The following EWSR1 variants were observed in gnomAD, a reference collection of about 807,000 sequenced individuals.
EWSR1 encodes the protein RNA-binding protein EWS.
Under a neutral mutation model 92.1 loss-of-function variants are expected in EWSR1, and 14 were observed. The observed-to-expected ratio is 0.15, with a 90% CI of 0.10 to 0.24. EWSR1 has a LOEUF of 0.24. Among genes scored for constraint, EWSR1 ranks in the 10% least tolerant of loss-of-function variants. The probability of loss-of-function intolerance (pLI) is 1.00; values close to 1 mark genes in which losing one functional copy is unlikely to be tolerated. For synonymous variants in EWSR1, 303 were observed against 292.9 expected (o/e 1.03, Z -0.35); for missense variants, 637 against 870.9 (o/e 0.73, Z 3.38).
chr22:29,296,474 G>A (rs1018978443), intron 12 of EWSR1, 106 bp downstream of exon 12: 2 of 1,399,962 alleles, frequency 1.4e-6, no homozygotes, highest in Non-Finnish European at 2.0e-6. Context: ...CTCTTCCTGG[G>A]GGAGGTAGAT....
intron 14 of EWSR1, 46 bp downstream of exon 14, chr22:29,298,941 C>A (rs1214582255): frequency 6.7e-7 from 1 of 1,495,544 alleles, no homozygotes; most frequent in Non-Finnish European, 8.9e-7. Context: ...GTGAAGCCAC[C>A]CTTCCCTCAC....
chr22:29,290,153 C>T (rs1018343032), intron 8 of EWSR1: 9 of 345,034 alleles, frequency 2.6e-5, no homozygotes, highest in Non-Finnish European at 4.8e-5. Flanking sequence ...CTCTTGCAGC[C>T]ATAGAAGAGA....
chr22:29,290,448 T>A (rs2060362672), intron 8 of EWSR1: 1 of 1,613,604 alleles, frequency 6.2e-7, no homozygotes, highest in East Asian at 2.2e-5. Context: ...ACTTCAATAC[T>A]TAAAAAGTAC....
chr22:29,299,940 C>G, intron 16 of EWSR1, 89 bp downstream of exon 16: 1 of 1,543,894 alleles, frequency 6.5e-7, no homozygotes, highest in South Asian at 1.2e-5. Context: ...CCTCATGTCT[C>G]TAGGAAGCTT....
rs535034908 is a variant in EWSR1 at position 29,284,339 on chromosome 22, C to G, written c.581+1782C>G. 5.9e-4 allele frequency among the ~76,000 whole-genome samples: 89 copies of G among 151,478 alleles called. 7 individuals carry two copies. Among genetic ancestry groups the G allele is most frequent in the African/African-American group, 2.1e-3 (85 of 40,764 alleles). Reference sequence around the variant, plus strand: ...GTTTTCAAATTGTTTGAATTGTGCCCTGAAAGTTTTGCTAGAAGTAGCGGT... The same window carrying G: ...GTTTTCAAATTGTTTGAATTGTGCCGTGAAAGTTTTGCTAGAAGTAGCGGT... On this transcript the variant is annotated intron_variant, in intron 6 of 16. Transcript: ENST00000397938.
intron 5 of EWSR1, among the ~76,000 whole-genome samples, chr22:29,281,227 C>T (rs1324088216): frequency 1.3e-5 from 2 of 152,072 alleles, no homozygotes; most frequent in African/African-American, 4.8e-5. Flanking sequence ...GTTGGCCAGG[C>T]TGGTGTCCAA....
intron 11 of EWSR1, among the ~76,000 whole-genome samples, chr22:29,294,978 GGT>G (rs1342739429): frequency 1.1e-4 from 17 of 151,856 alleles, no homozygotes; most frequent in Non-Finnish European, 1.6e-4. Flanking sequence ...CCTGCTTGTA[GGT>G]GTGTGTGTGC....
intron 9 of EWSR1, 26 bp from the exon 10 acceptor site, chr22:29,292,111 T>C: frequency 1.2e-6 from 2 of 1,610,972 alleles, no homozygotes; most frequent in Non-Finnish European, 1.7e-6. Context: ...CTAATAATAT[T>C]TTATATGATC....
At chr22:29,288,192 A>G (rs756705318) in intron 7 of EWSR1, among the ~76,000 whole-genome samples, 3 of 152,164 alleles carry the variant, frequency 2.0e-5, no homozygotes, top group Non-Finnish European at 4.4e-5. Flanking sequence ...TTTCTCAACA[A>G]CTCAAAGGAG....
In EWSR1 at chr22:29,299,046, G is replaced by A. The variant is rs187190004; in HGVS notation, c.1580+151G>A. On this transcript the variant is annotated intron_variant, in intron 14 of 16. Coordinates refer to ENST00000397938, the MANE Select transcript of EWSR1 (RefSeq NM_005243.4). ...GACACTAGTCAGCCATTCACTGGAC[G>A]CTTCAGAGCCTTCTGAAGATTGATT... is the stretch of plus-strand genomic sequence containing the variant. 382 of 1,326,130 alleles carry A rather than the reference G, an allele frequency of 2.9e-4. 4 individuals are homozygous for A. In the African/African-American group the frequency reaches 4.4e-3, roughly 15 times the overall value. The allele number at this position is 1,326,130 out of a possible 1,614,324, so 82.1% of individuals were successfully genotyped here. A position where few individuals can be genotyped will look rare whatever the true frequency, so the allele number is the denominator to read the frequency against.
In EWSR1 at chr22:29,288,731, T is replaced by G; in HGVS notation, c.919T>G (p.Phe307Val). 6.2e-7 allele frequency: 1 copy of G among 1,613,532 alleles called. No individual in the cohort carries two copies. Among genetic ancestry groups the G allele is most frequent in the Non-Finnish European group, 8.5e-7 (1 of 1,179,724 alleles). ...PDNRGRGRGG[F>V]DRGGMSRGGR... ...TAACCGGGGCAGGGGAAGAGGGGGA[T>G]TTGATCGTGGAGGCATGAGCAGAGG... Residue 307 changes from phenylalanine (F) to valine (V), a missense_variant, in exon 8 of 17, where the codon TTT becomes GTT. By Grantham distance (50) the Phe-to-Val change is conservative. This residue lies in a region of EWSR1 where 116 missense variants were observed against 167.8 expected (regional missense o/e 0.69). Coordinates refer to ENST00000397938, the MANE Select transcript of EWSR1 (RefSeq NM_005243.4).
intron 15 of EWSR1, 94 bp downstream of exon 15, chr22:29,299,425 T>G: frequency 2.0e-6 from 3 of 1,524,314 alleles, no homozygotes; most frequent in Non-Finnish European, 2.6e-6. Context: ...GCCCTCTGCT[T>G]AACAACTTTG....
At chr22:29,296,111 G>T in intron 11 of EWSR1, 128 bp from the exon 12 acceptor site, 1 of 930,546 alleles carries the variant, frequency 1.1e-6, no homozygotes. Flanking sequence ...ACTTAAAAGC[G>T]GAGAAACGGT....
rs114365638 is a variant in EWSR1 at position 29,277,895 on chromosome 22, C to T, written c.227-135C>T. 651 of 720,394 alleles carry T rather than the reference C, an allele frequency of 9.0e-4. 6 individuals are homozygous for T. In the African/African-American group the frequency reaches 9.9e-3, roughly 11 times the overall value. The allele number at this position is 720,394 out of a possible 1,614,324, so 44.6% of individuals were successfully genotyped here. A position where few individuals can be genotyped will look rare whatever the true frequency, so the allele number is the denominator to read the frequency against. ...AAATACCAGTTTGTTGCTACTCTTG[C>T]GGAAGGGGGAATATTTAAAGGGATT... On this transcript the variant is annotated intron_variant, in intron 4 of 16. Coordinates refer to ENST00000397938, the MANE Select transcript of EWSR1 (RefSeq NM_005243.4).
At chr22:29,280,859 GTTGT>G (rs1569072736) in intron 5 of EWSR1, among the ~76,000 whole-genome samples, 12 of 91,022 alleles carry the variant, frequency 1.3e-4, no homozygotes, top group African/African-American at 4.3e-4. Context: ...GTGTGTGTGT[GTTGT>G]TTTTTTTTTT....
At chr22:29,276,860 C>T (rs1005728064) in intron 4 of EWSR1, 3 of 230,638 alleles carry the variant, frequency 1.3e-5, no homozygotes, top group African/African-American at 6.6e-5. Context: ...CTATATTGCC[C>T]AGGGTGGTCT....
At position 29,300,244 on chromosome 22, in the gene EWSR1, T is replaced by C; in HGVS notation, c.*83T>C. 7.6e-7 allele frequency: 1 copy of C among 1,310,490 alleles called. No individual in the cohort carries two copies. The highest frequency in any genetic ancestry group is 1.1e-6 in the Non-Finnish European group (1 of 916,130). The allele number at this position is 1,310,490 out of a possible 1,614,324, so 81.2% of individuals were successfully genotyped here. ...TGTTTTAAATTTATAATTCCATATT[T>C]ATAATGTTGGCCACAACATTATGAT... is the stretch of plus-strand genomic sequence containing the variant. On this transcript the variant is annotated 3_prime_UTR_variant, in exon 17 of 17. Coordinates refer to ENST00000397938, the MANE Select transcript of EWSR1 (RefSeq NM_005243.4).
At chr22:29,296,149 A>G (rs2147725947) in intron 11 of EWSR1, 90 bp from the exon 12 acceptor site, 1 of 1,348,906 alleles carries the variant, frequency 7.4e-7, no homozygotes, top group South Asian at 1.4e-5. Flanking sequence ...TACATGTGAG[A>G]AATTGGTACT....
chr22:29,298,079 A>G, intron 13 of EWSR1, 130 bp downstream of exon 13: 2 of 1,060,482 alleles, frequency 1.9e-6, no homozygotes, highest in Non-Finnish European at 2.7e-6. Flanking sequence ...TCGAGAGCTA[A>G]CAATGAATGT....
Sources: gnomAD v4.1 joint callset for allele counts (sites outside exome capture counted in the v4.1 genomes callset) on GRCh38, gnomAD v4.1.1 for gene constraint, gnomAD v4.1.1 regional missense constraint, MANE v1.5 for transcripts, NCBI Gene and HGNC (gene_info 2026-07-23, HGNC 2026-07-21) for gene names.